The following FBLN1 variants were observed in gnomAD, a reference collection of about 807,000 sequenced individuals.
FBLN1 encodes the protein fibulin 1, also known as fibulin-1.
Under a neutral mutation model 89.7 loss-of-function variants are expected in FBLN1, and 34 were observed. The ratio of observed to expected loss-of-function variants is 0.38; its 90% confidence interval spans 0.29 to 0.50. FBLN1 has a LOEUF of 0.50. Among genes scored for constraint, FBLN1 ranks in the 20% least tolerant of loss-of-function variants. The probability of loss-of-function intolerance (pLI) is 0.92; values close to 1 mark genes in which losing one functional copy is unlikely to be tolerated. For synonymous variants in FBLN1, 393 were observed against 391.3 expected (o/e 1.00, Z -0.05); for missense variants, 777 against 988.1 (o/e 0.79, Z 2.86).
Position 45,578,560 on chromosome 22 carries a change from G to C in FBLN1, c.1972+1452G>C, listed in dbSNP as rs2089017448. 1 of 151,422 alleles carries C rather than the reference G, an allele frequency of 6.6e-6. No individual in the cohort carries two copies. The highest frequency in any genetic ancestry group is 2.1e-4 in the South Asian group (1 of 4,756). 9.4% of individuals were successfully genotyped at this position (151,422 alleles called of 1,614,324 possible). A position where few individuals can be genotyped will look rare whatever the true frequency, so the allele number is the denominator to read the frequency against. On this transcript the variant is annotated intron_variant, in intron 16 of 16. Coordinates refer to ENST00000327858, the MANE Select transcript of FBLN1 (RefSeq NM_006486.3). This position sits in a 1 kb window ranked among gnomAD's most constrained non-coding sequence, Gnocchi z 4.6. ...TCCCCCATTGTGAAATGAGAGTTTAGATGAAGACAGCCTTGAGGGTCCTTC... is the reference window on the plus strand; with the variant it reads ...TCCCCCATTGTGAAATGAGAGTTTACATGAAGACAGCCTTGAGGGTCCTTC...
At chr22:45,596,224 G>A (rs2089184930) in intron 16 of FBLN1, among the ~76,000 whole-genome samples, 2 of 152,200 alleles carry the variant, frequency 1.3e-5, no homozygotes, top group Admixed American at 1.3e-4. Context: ...ACTCAGGAAG[G>A]TCAAATAATC....
intron 16 of FBLN1, among the ~76,000 whole-genome samples, chr22:45,582,990 T>C (rs946422570): frequency 2.0e-5 from 3 of 152,216 alleles, no homozygotes; most frequent in Non-Finnish European, 4.4e-5. Flanking sequence ...AGTTTTGCGT[T>C]GGAATCACCT....
At chr22:45,594,855 T>TGGAG (rs2089171048) in intron 16 of FBLN1, among the ~76,000 whole-genome samples, 1 of 79,190 alleles carries the variant, frequency 1.3e-5, no homozygotes, top group Non-Finnish European at 2.2e-5. Flanking sequence ...AGTGGGTGGG[T>TGGAG]GGATGGATGG....
At chr22:45,540,139 G>A (rs1420251362) in intron 8 of FBLN1, among the ~76,000 whole-genome samples, 1 of 152,174 alleles carries the variant, frequency 6.6e-6, no homozygotes, top group Non-Finnish European at 1.5e-5. Context: ...ATCATTTGCT[G>A]GCCACTGATT....
At chr22:45,514,887 G>A (rs1294873969) in intron 1 of FBLN1, among the ~76,000 whole-genome samples, 4 of 152,200 alleles carry the variant, frequency 2.6e-5, no homozygotes. Flanking sequence ...CCCAGGAGCC[G>A]TGGGTGAGAG....
chr22:45,509,902 T>C (rs1473579738), intron 1 of FBLN1, among the ~76,000 whole-genome samples: 2 of 152,098 alleles, frequency 1.3e-5, no homozygotes, highest in Non-Finnish European at 2.9e-5. Context: ...GGTGGGGGCA[T>C]GATCCTTTTG....
intron 2 of FBLN1, among the ~76,000 whole-genome samples, chr22:45,522,141 A>G (rs2088259984): frequency 6.6e-6 from 1 of 152,092 alleles, no homozygotes; most frequent in African/African-American, 2.4e-5. Context: ...GCCTGTCACC[A>G]TGCGTGGCTA....
intron 10 of FBLN1, among the ~76,000 whole-genome samples, chr22:45,542,510 C>G (rs992132568): frequency 6.6e-6 from 1 of 152,208 alleles, no homozygotes. Context: ...GAGCCTGCTC[C>G]CCATCTGTGG....
chr22:45,527,753 A>C (rs944893252), intron 3 of FBLN1, 94 bp from the exon 4 acceptor site: 8 of 1,295,030 alleles, frequency 6.2e-6, no homozygotes, highest in South Asian at 4.8e-5. Flanking sequence ...TTGTGTGGAC[A>C]GGGGGCTCAG....
At position 45,545,146 on chromosome 22, in the gene FBLN1, G is replaced by A. The variant is rs559977562; in HGVS notation, c.1321+1620G>A. Among the ~76,000 whole-genome samples, 2 of 152,192 alleles carry A rather than the reference G, an allele frequency of 1.3e-5. No homozygotes were observed. Among genetic ancestry groups the A allele is most frequent in the East Asian group, 1.9e-4 (1 of 5,198 alleles). ...ATGATTCTCAAATCGGAGGACGGACGGTGTGAGGGGTCCTGGGCTTAGTTC... is the reference window on the plus strand; with the variant it reads ...ATGATTCTCAAATCGGAGGACGGACAGTGTGAGGGGTCCTGGGCTTAGTTC... On this transcript the variant is annotated intron_variant, in intron 11 of 16. Coordinates refer to ENST00000327858, the MANE Select transcript of FBLN1 (RefSeq NM_006486.3). This position sits in a 1 kb window ranked among gnomAD's most constrained non-coding sequence, Gnocchi z 5.9.
chr22:45,573,101 C>G (rs1286556888), intron 14 of FBLN1, among the ~76,000 whole-genome samples: 3 of 152,108 alleles, frequency 2.0e-5, no homozygotes, highest in Non-Finnish European at 4.4e-5. Context: ...TGGTGCATGC[C>G]TGTAATCCCA....
chr22:45,583,306 G>C lies in FBLN1; in HGVS notation c.1972+6198G>C, dbSNP rs1430854400. Among the ~76,000 whole-genome samples the C allele has an allele frequency of 1.3e-5, 2 of 151,758 alleles. No individual in the cohort carries two copies. The highest frequency in any genetic ancestry group is 4.8e-5 in the African/African-American group (2 of 41,416). ...TGAAGGGTTTGGGTCCTCAGCTCCTGGCCGGGGCAAGTCTGGCCAAGCAGC... is the reference window on the plus strand; with the variant it reads ...TGAAGGGTTTGGGTCCTCAGCTCCTCGCCGGGGCAAGTCTGGCCAAGCAGC... On this transcript the variant is annotated intron_variant, in intron 16 of 16. Transcript: ENST00000327858. This position sits in a 1 kb window ranked among gnomAD's most constrained non-coding sequence, Gnocchi z 4.5.
rs1426996243 is a variant in FBLN1, at chr22:45,597,100, T to G, written c.1973-3207T>G. Among the ~76,000 whole-genome samples the G allele has an allele frequency of 6.6e-6, 1 of 151,330 alleles. No homozygotes were observed. Among genetic ancestry groups the G allele is most frequent in the African/African-American group, 2.4e-5 (1 of 41,310 alleles). ...CATTGCAACCTTGACCTTCCCGGGC[T>G]CAAACAATTCTGCCACCTCAGCCTC... On this transcript the variant is annotated intron_variant, in intron 16 of 16. Coordinates refer to ENST00000327858, the MANE Select transcript of FBLN1 (RefSeq NM_006486.3). This position sits in a 1 kb window ranked among gnomAD's most constrained non-coding sequence, Gnocchi z 4.2.
At position 45,532,764 on chromosome 22, in the gene FBLN1, G is replaced by A. The variant is rs1336882538; in HGVS notation, c.545-299G>A. The A allele has an allele frequency of 4.0e-6, 2 of 495,646 alleles. No individual in the cohort carries two copies. The highest frequency in any genetic ancestry group is 3.3e-5 in the Admixed American group (1 of 30,572). The allele number at this position is 495,646 out of a possible 1,614,324, so 30.7% of individuals were successfully genotyped here. A position where few individuals can be genotyped will look rare whatever the true frequency, so the allele number is the denominator to read the frequency against. The stretch of plus-strand genomic sequence containing the variant: ...CACACCCCCATGTCTGTGACCGGCA[G>A]TGAGCTCTTCTCTGCTTCGCCCCTT... On this transcript the variant is annotated intron_variant, in intron 5 of 16. Transcript: ENST00000327858. This position sits in a 1 kb window ranked among gnomAD's most constrained non-coding sequence, Gnocchi z 4.2.
intron 16 of FBLN1, among the ~76,000 whole-genome samples, chr22:45,596,013 G>A (rs1218889812): frequency 6.6e-6 from 1 of 152,160 alleles, no homozygotes; most frequent in Admixed American, 6.5e-5. Flanking sequence ...GGGACTGCAG[G>A]CGTGTCCCAC....
chr22:45,600,488 A>C lies in FBLN1; in HGVS notation c.*42A>C. 1 of 1,612,878 alleles carries C rather than the reference A, an allele frequency of 6.2e-7. No homozygotes were observed. The highest frequency in any genetic ancestry group is 8.5e-7 in the Non-Finnish European group (1 of 1,178,912). ...CAGCCGCAGGTGCACCTCCAGGCCA[A>C]ATCATTGCTGCCAGTGACTGTGGTC... On this transcript the variant is annotated 3_prime_UTR_variant, in exon 17 of 17. Transcript: ENST00000327858.
rs2088427554 is a variant in FBLN1, at chr22:45,532,870, GC to G, written c.545-189del. 1.6e-6 allele frequency: 1 copy of G among 619,462 alleles called. No individual in the cohort carries two copies. The highest frequency in any genetic ancestry group is 1.8e-5 in the African/African-American group (1 of 54,716). The allele number at this position is 619,462 out of a possible 1,614,324, so 38.4% of individuals were successfully genotyped here. On this transcript the variant is annotated intron_variant, in intron 5 of 16. Transcript: ENST00000327858. This position sits in a 1 kb window ranked among gnomAD's most constrained non-coding sequence, Gnocchi z 4.2. The stretch of plus-strand genomic sequence containing the variant: ...GGGGAGGTTGGGACCTGAAGCAGCA[GC>G]CCCTGGGGGGTGTCCAGAGCCAGAG...
chr22:45,516,069 CG>C (rs1294160063), intron 1 of FBLN1, among the ~76,000 whole-genome samples: 2 of 151,886 alleles, frequency 1.3e-5, no homozygotes, highest in Non-Finnish European at 2.9e-5. Flanking sequence ...GCGCCAGGCA[CG>C]GGGTGATATG....
In FBLN1 at chr22:45,575,366, T is replaced by A. The variant is rs1217208818; in HGVS notation, c.1840+713T>A. ...GTGGAGCAGGACATGGCCAGAAGGG[T>A]CTGGAGGTATGGGGGGGCGGTGTGG... On this transcript the variant is annotated intron_variant, in intron 15 of 16. Transcript: ENST00000327858. This position sits in a 1 kb window ranked among gnomAD's most constrained non-coding sequence, Gnocchi z 6.3. 1.3e-5 allele frequency among the ~76,000 whole-genome samples: 2 copies of A among 150,166 alleles called. No homozygotes were observed. The highest frequency in any genetic ancestry group is 4.9e-5 in the African/African-American group (2 of 40,726).
Sources: gnomAD v4.1 joint callset for allele counts (sites outside exome capture counted in the v4.1 genomes callset) on GRCh38, gnomAD v4.1.1 for gene constraint, Gnocchi (gnomAD v3.1) non-coding constraint, MANE v1.5 for transcripts, NCBI Gene and HGNC (gene_info 2026-07-23, HGNC 2026-07-21) for gene names.